CPNE4: variants seen among roughly 807,000 people sequenced by gnomAD.
CPNE4 encodes copine-4.
In CPNE4, 25 loss-of-function variants were observed where a neutral mutation model predicts 67.9. That is an observed-to-expected ratio of 0.37 (90% confidence interval 0.27 to 0.51). The LOEUF (loss-of-function observed/expected upper bound fraction) is 0.51, where lower values mean the gene tolerates loss of function less well. Among genes scored for constraint, CPNE4 ranks in the 20% least tolerant of loss-of-function variants. The pLI is 0.93. For missense variants in CPNE4, 464 were observed against 690.8 expected (o/e 0.67, Z 3.68); for synonymous variants, 242 against 244.9 (o/e 0.99, Z 0.11).
At chr3:131,559,228 T>C (rs1936627709) in intron 11 of CPNE4, among the ~76,000 whole-genome samples, 1 of 152,054 alleles carries the variant, frequency 6.6e-6, no homozygotes, top group African/African-American at 2.4e-5. Flanking sequence ...TAATTTTTTT[T>C]GGTATATAAC....
At chr3:132,028,950 T>C (rs1257898074) in intron 1 of CPNE4, among the ~76,000 whole-genome samples, 2 of 151,762 alleles carry the variant, frequency 1.3e-5, no homozygotes, top group Non-Finnish European at 2.9e-5. Flanking sequence ...AAGGGTGAAG[T>C]TTGGGGAGAA....
At chr3:131,763,475 T>C (rs541746646) in intron 2 of CPNE4, among the ~76,000 whole-genome samples, 56 of 152,268 alleles carry the variant, frequency 3.7e-4, no homozygotes, top group African/African-American at 1.3e-3. Flanking sequence ...TTACCAGTTA[T>C]CATTTTTCAC....
In CPNE4 at chr3:131,848,126, G is replaced by A. The variant is rs148870634; in HGVS notation, c.180+57138C>T. Among the ~76,000 whole-genome samples, 204 of 152,230 alleles carry A rather than the reference G, an allele frequency of 1.3e-3. 1 individual carries two copies. Among genetic ancestry groups the A allele is most frequent in the African/African-American group, 4.4e-3 (182 of 41,544 alleles). Reference sequence around the variant, plus strand: ...ATTGCCAGATAAGTTTGAGTCTTACGTAAGGGGAGCTTCTGCAATTCAGGA... The same window carrying A: ...ATTGCCAGATAAGTTTGAGTCTTACATAAGGGGAGCTTCTGCAATTCAGGA... On this transcript the variant is annotated intron_variant, in intron 2 of 15. Transcript: ENST00000429747.
At chr3:131,647,959 C>G (rs1201700301) in intron 7 of CPNE4, among the ~76,000 whole-genome samples, 2 of 152,106 alleles carry the variant, frequency 1.3e-5, no homozygotes, top group African/African-American at 4.8e-5. Context: ...TTCTTCAAGT[C>G]CATAGAACCA....
At chr3:131,543,966 T>C (rs899066669) in intron 14 of CPNE4, among the ~76,000 whole-genome samples, 2 of 152,152 alleles carry the variant, frequency 1.3e-5, no homozygotes, top group Non-Finnish European at 2.9e-5. Flanking sequence ...AGATGGGAAT[T>C]GGAGGAAAGG....
chr3:131,848,674 A>AG (rs1192244087), intron 2 of CPNE4, among the ~76,000 whole-genome samples: 1 of 151,710 alleles, frequency 6.6e-6, no homozygotes, highest in African/African-American at 2.4e-5. Flanking sequence ...TCCAAAAAAA[A>AG]AAAAAAAACC....
At chr3:131,886,411 G>A (rs1218680533) in intron 2 of CPNE4, among the ~76,000 whole-genome samples, 2 of 152,234 alleles carry the variant, frequency 1.3e-5, no homozygotes, top group East Asian at 1.9e-4. Context: ...TGCAGCAGGG[G>A]TGGGGCTATC....
At chr3:131,953,266 A>AAAAT (rs2071834459) in intron 1 of CPNE4, among the ~76,000 whole-genome samples, 2 of 147,846 alleles carry the variant, frequency 1.4e-5, no homozygotes, top group African/African-American at 4.9e-5. Flanking sequence ...AAAAAAAAAA[A>AAAAT]GAATGGTGAA....
chr3:131,939,111 T>C (rs948969588), intron 1 of CPNE4, among the ~76,000 whole-genome samples: 1 of 152,148 alleles, frequency 6.6e-6, no homozygotes, highest in African/African-American at 2.4e-5. Flanking sequence ...CATATACCCT[T>C]TGATCCAGCA....
chr3:131,612,213 G>A (rs1026132064), intron 7 of CPNE4, among the ~76,000 whole-genome samples: 15 of 152,010 alleles, frequency 9.9e-5, no homozygotes. Flanking sequence ...ATGTCTACTA[G>A]AAATATGAAA....
At chr3:131,860,737 G>C (rs1405445784) in intron 2 of CPNE4, among the ~76,000 whole-genome samples, 3 of 152,166 alleles carry the variant, frequency 2.0e-5, no homozygotes, top group Non-Finnish European at 1.5e-5. Flanking sequence ...GAAGATGCTA[G>C]AAGAATAAAG....
intron 1 of CPNE4, among the ~76,000 whole-genome samples, chr3:131,933,849 T>C (rs762746451): frequency 1.7e-4 from 25 of 149,208 alleles, no homozygotes; most frequent in Non-Finnish European, 2.1e-4. Flanking sequence ...ATCAAACTCA[T>C]AGAAGCAGAA....
At chr3:131,646,915 T>C (rs2079682529) in intron 7 of CPNE4, among the ~76,000 whole-genome samples, 1 of 152,220 alleles carries the variant, frequency 6.6e-6, no homozygotes, top group African/African-American at 2.4e-5. Flanking sequence ...TGGAAATCAC[T>C]GTGGATCATG....
intron 1 of CPNE4, among the ~76,000 whole-genome samples, chr3:131,988,571 C>A (rs1452525879): frequency 2.0e-5 from 3 of 152,208 alleles, no homozygotes; most frequent in East Asian, 1.9e-4. Flanking sequence ...ATAGACAAAT[C>A]TTGATAGTTG....
At chr3:132,005,353 AC>A (rs2073569567) in intron 1 of CPNE4, among the ~76,000 whole-genome samples, 1 of 43,282 alleles carries the variant, frequency 2.3e-5, no homozygotes, top group Non-Finnish European at 5.5e-5. Flanking sequence ...ACACACACAC[AC>A]ACACACACAC....
chr3:131,921,100 T>A (rs892861864), intron 1 of CPNE4, among the ~76,000 whole-genome samples: 5 of 152,148 alleles, frequency 3.3e-5, no homozygotes, highest in Non-Finnish European at 7.4e-5. Flanking sequence ...AAAGGGTGGG[T>A]GACAAGAGTG....
At chr3:131,698,250 A>AAAAAAAAAAGAAAG (rs1560135457) in intron 4 of CPNE4, among the ~76,000 whole-genome samples, 1 of 141,082 alleles carries the variant, frequency 7.1e-6, no homozygotes, top group Non-Finnish European at 1.5e-5. Flanking sequence ...AAAAAAAAAA[A>AAAAAAAAAAGAAAG]AAAGAAAGAA....
chr3:131,701,460 T>C (rs1033368051), intron 3 of CPNE4, among the ~76,000 whole-genome samples: 1 of 152,220 alleles, frequency 6.6e-6, no homozygotes, highest in African/African-American at 2.4e-5. Context: ...ATATCACTTC[T>C]GAGAATAGGT....
At chr3:131,720,630 A>T (rs939543214) in intron 3 of CPNE4, among the ~76,000 whole-genome samples, 8 of 152,222 alleles carry the variant, frequency 5.3e-5, no homozygotes, top group African/African-American at 1.9e-4. Flanking sequence ...CACAAAGTGT[A>T]TAAATGTCCC....
Sources: allele counts gnomAD v4.1 joint callset (sites outside exome capture counted in the v4.1 genomes callset), GRCh38; gene constraint gnomAD v4.1.1; transcripts MANE v1.5; gene names NCBI Gene and HGNC (gene_info 2026-07-23, HGNC 2026-07-21).